The following KIRREL3 variants were observed in gnomAD, a reference collection of about 807,000 sequenced individuals.
The protein encoded by KIRREL3 is kin of IRRE-like protein 3.
In KIRREL3, 36 loss-of-function variants were observed where a neutral mutation model predicts 89.7. That is an observed-to-expected ratio of 0.40 (90% CI 0.31 to 0.53). The LOEUF is 0.53. Among genes scored for constraint, KIRREL3 ranks in the 20% least tolerant of loss-of-function variants. The pLI is 0.49. For synonymous variants in KIRREL3, 445 were observed against 441.4 expected (o/e 1.01, Z -0.10); for missense variants, 864 against 1,056.6 (o/e 0.82, Z 2.53).
rs145294532 is a variant in KIRREL3 at position 126,954,699 on chromosome 11, C to G, written c.55+45756G>C. Among the ~76,000 whole-genome samples the G allele has an allele frequency of 1.5e-3, 231 of 152,238 alleles. 3 individuals are homozygous for G. Among genetic ancestry groups the G allele is most frequent in the East Asian group, 3.1e-3 (16 of 5,170 alleles). Reference sequence around the variant, plus strand: ...AGGTCATCTAGTAGAATATCACAGGCAGTTCATTTTAACAGTAGTCATATA... The same window carrying G: ...AGGTCATCTAGTAGAATATCACAGGGAGTTCATTTTAACAGTAGTCATATA... On this transcript the variant is annotated intron_variant, in intron 1 of 16. Coordinates refer to ENST00000525144, the MANE Select transcript of KIRREL3 (RefSeq NM_032531.4). This position sits in a 1 kb window ranked among gnomAD's most constrained non-coding sequence, Gnocchi z 4.1.
chr11:126,637,406 C>CT (rs1202514839), intron 1 of KIRREL3, among the ~76,000 whole-genome samples: 1 of 152,238 alleles, frequency 6.6e-6, no homozygotes, highest in Non-Finnish European at 1.5e-5. Flanking sequence ...CATGTTCCCA[C>CT]TGCAGACGTT....
rs886873638 is a variant in KIRREL3 at position 126,642,385 on chromosome 11, C to T, written c.56-79473G>A. On this transcript the variant is annotated intron_variant, in intron 1 of 16. Transcript: ENST00000525144. The surrounding 1 kb of genome is among the most constrained non-coding windows in gnomAD (Gnocchi z 4.9). Reference sequence around the variant, plus strand: ...CTGGGAGATAACATTGCATTTATTCCAGGACTCCTACAGGGAACAGGAGGG... The same window carrying T: ...CTGGGAGATAACATTGCATTTATTCTAGGACTCCTACAGGGAACAGGAGGG... 6.6e-6 allele frequency among the ~76,000 whole-genome samples: 1 copy of T among 152,152 alleles called. No individual in the cohort carries two copies.
intron 1 of KIRREL3, among the ~76,000 whole-genome samples, chr11:126,873,967 AT>A (rs1945189884): frequency 6.6e-6 from 1 of 152,154 alleles, no homozygotes; most frequent in South Asian, 2.1e-4. Flanking sequence ...CAAGAATTCT[AT>A]CTCCCCAGCC....
chr11:126,822,488 T>TA (rs1943258655), intron 1 of KIRREL3, among the ~76,000 whole-genome samples: 1 of 38,122 alleles, frequency 2.6e-5, no homozygotes, highest in African/African-American at 2.3e-4. Context: ...TTAATAGGAA[T>TA]TTATGTTTCC....
chr11:126,950,993 A>C (rs938631826), intron 1 of KIRREL3, among the ~76,000 whole-genome samples: 1 of 152,010 alleles, frequency 6.6e-6, no homozygotes. Context: ...TTCTGTTAAG[A>C]AAAAAAACAG....
Position 126,867,578 on chromosome 11 carries a change from T to TTATTAAC in KIRREL3, c.55+132876_55+132877insGTTAATA, listed in dbSNP as rs1592250370. Reference sequence around the variant, plus strand: ...ACTGGGATTAGATAACAGATAATACTAGTATTAGTTAATAACATTAATACA... The same window carrying TTATTAAC: ...ACTGGGATTAGATAACAGATAATACTTATTAACAGTATTAGTTAATAACATTAATACA... On this transcript the variant is annotated intron_variant, in intron 1 of 16. Coordinates refer to ENST00000525144, the MANE Select transcript of KIRREL3 (RefSeq NM_032531.4). The surrounding 1 kb of genome is among the most constrained non-coding windows in gnomAD (Gnocchi z 4.7). Among the ~76,000 whole-genome samples, 1 of 152,364 alleles carries TTATTAAC rather than the reference T, an allele frequency of 6.6e-6. No homozygotes were observed. The highest frequency in any genetic ancestry group is 1.9e-4 in the East Asian group (1 of 5,186).
intron 1 of KIRREL3, among the ~76,000 whole-genome samples, chr11:126,888,220 T>C (rs1025137013): frequency 2.0e-5 from 3 of 152,112 alleles, no homozygotes; most frequent in African/African-American, 4.8e-5. Flanking sequence ...TTCTGAGAGT[T>C]TGGGACACTA....
chr11:126,603,010 T>C (rs1046130447), intron 1 of KIRREL3, among the ~76,000 whole-genome samples: 4 of 152,218 alleles, frequency 2.6e-5, no homozygotes, highest in Admixed American at 2.0e-4. Context: ...ACGCTCTCTC[T>C]CCTAGCTCAG....
In KIRREL3 at chr11:126,782,548, A is replaced by G. The variant is rs1209038482; in HGVS notation, c.55+217907T>C. Among the ~76,000 whole-genome samples the G allele has an allele frequency of 2.0e-5, 3 of 152,184 alleles. No homozygotes were observed. The highest frequency in any genetic ancestry group is 2.4e-5 in the African/African-American group (1 of 41,454). On this transcript the variant is annotated intron_variant, in intron 1 of 16. Coordinates refer to ENST00000525144, the MANE Select transcript of KIRREL3 (RefSeq NM_032531.4). This position sits in a 1 kb window ranked among gnomAD's most constrained non-coding sequence, Gnocchi z 4.1. The stretch of plus-strand genomic sequence containing the variant: ...GTATTAATTCAGAAAAGAAATTCGT[A>G]GGTTTACAATTCTATATGCTGTACA...
intron 1 of KIRREL3, among the ~76,000 whole-genome samples, chr11:126,881,172 C>T (rs765858890): frequency 2.0e-5 from 3 of 152,146 alleles, no homozygotes; most frequent in Non-Finnish European, 1.5e-5. Context: ...TGTAACGTAC[C>T]TAATAGGAGG....
At chr11:126,497,215 T>A (rs57763849) in intron 4 of KIRREL3, among the ~76,000 whole-genome samples, 52,466 of 112,270 alleles carry the variant, frequency 0.47, 10,459 homozygotes, top group East Asian at 0.8. Context: ...TGTGAGTGTG[T>A]GAGAGTGAGT....
chr11:126,543,280 A>G (rs1270130924), intron 2 of KIRREL3, among the ~76,000 whole-genome samples: 1 of 152,148 alleles, frequency 6.6e-6, no homozygotes, highest in Admixed American at 6.5e-5. Context: ...CCTTGAAAGG[A>G]TGGAGAGGGA....
In KIRREL3 at chr11:126,523,260, A is replaced by G. The variant is rs61898734; in HGVS notation, c.284-1796T>C. 6.6e-6 allele frequency among the ~76,000 whole-genome samples: 1 copy of G among 152,070 alleles called. No homozygotes were observed. The highest frequency in any genetic ancestry group is 1.5e-5 in the Non-Finnish European group (1 of 68,028). On this transcript the variant is annotated intron_variant, in intron 3 of 16. Transcript: ENST00000525144. The surrounding 1 kb of genome is among the most constrained non-coding windows in gnomAD (Gnocchi z 4.9). The stretch of plus-strand genomic sequence containing the variant: ...CAGGGATGTTGCAGAGGTGATTTCT[A>G]CACCGGGTGAAAGATCAGACTAGAG...
rs145858166 is a variant in KIRREL3 at position 126,697,532 on chromosome 11, G to A, written c.56-134620C>T. Among the ~76,000 whole-genome samples, 47 of 152,360 alleles carry A rather than the reference G, an allele frequency of 3.1e-4. No individual in the cohort carries two copies. The highest frequency in any genetic ancestry group is 1.1e-3 in the African/African-American group (46 of 41,586). On this transcript the variant is annotated intron_variant, in intron 1 of 16. Transcript: ENST00000525144. This position sits in a 1 kb window ranked among gnomAD's most constrained non-coding sequence, Gnocchi z 4.2. ...ACGACTGTGACACAACTGATGCTCA[G>A]TGGCTCTTTGTTTAATGAATGAATA...
chr11:126,526,655 C>T lies in KIRREL3; in HGVS notation c.166G>A (p.Asp56Asn). Residue 56 changes from aspartate to asparagine, a missense_variant, in exon 3 of 17, where the codon GAC becomes AAC. By Grantham distance (23) the Asp-to-Asn change is conservative (BLOSUM62 1). Coordinates refer to ENST00000525144, the MANE Select transcript of KIRREL3 (RefSeq NM_032531.4). This position sits in a 1 kb window ranked among gnomAD's most constrained non-coding sequence, Gnocchi z 5.7. ...GGCTGTCCCGACACCACCACCTGGT[C>T]CTGGGGCTGCTGGCTGAAGGAATAG... ...QVYSFSQQPQ[D>N]QVVVSGQPVT... 6.3e-7 allele frequency: 1 copy of T among 1,577,426 alleles called. No individual in the cohort carries two copies. Among genetic ancestry groups the T allele is most frequent in the Non-Finnish European group, 8.6e-7 (1 of 1,161,548 alleles).
In KIRREL3 at chr11:126,715,233, T is replaced by C; in HGVS notation, c.56-152321A>G. 6.6e-6 allele frequency among the ~76,000 whole-genome samples: 1 copy of C among 152,226 alleles called. No homozygotes were observed. The highest frequency in any genetic ancestry group is 1.5e-5 in the Non-Finnish European group (1 of 68,038). ...TCAGTTGAGAAAAACAGTCTTGAGC[T>C]ACTCAGGCTATCCCCATCTATTTTG... On this transcript the variant is annotated intron_variant, in intron 1 of 16. Coordinates refer to ENST00000525144, the MANE Select transcript of KIRREL3 (RefSeq NM_032531.4). This position sits in a 1 kb window ranked among gnomAD's most constrained non-coding sequence, Gnocchi z 4.4.
chr11:126,446,324 C>G (rs1451161387), intron 9 of KIRREL3, among the ~76,000 whole-genome samples: 1 of 148,336 alleles, frequency 6.7e-6, no homozygotes, highest in Non-Finnish European at 1.5e-5. Context: ...TCCTTTCTTC[C>G]TTTCTTTCTT....
intron 1 of KIRREL3, among the ~76,000 whole-genome samples, chr11:126,839,267 C>T (rs1344349198): frequency 1.3e-5 from 2 of 152,128 alleles, no homozygotes; most frequent in Non-Finnish European, 2.9e-5. Context: ...AAGGCACCTG[C>T]CTTCAGAGAG....
chr11:126,819,608 T>C (rs1036919592), intron 1 of KIRREL3, among the ~76,000 whole-genome samples: 1 of 152,210 alleles, frequency 6.6e-6, no homozygotes, highest in Non-Finnish European at 1.5e-5. Flanking sequence ...CATTAGGTGC[T>C]TTGGGCGGGG....
Sources: allele counts gnomAD v4.1 joint callset (sites outside exome capture counted in the v4.1 genomes callset), GRCh38; gene constraint gnomAD v4.1.1; non-coding constraint Gnocchi (gnomAD v3.1); transcripts MANE v1.5; gene names NCBI Gene and HGNC (gene_info 2026-07-23, HGNC 2026-07-21).